NSUN5: variants seen among roughly 807,000 people sequenced by gnomAD.
The protein encoded by NSUN5 is NOP2/Sun RNA methyltransferase 5.
A neutral mutation model predicts 51.1 loss-of-function variants in NSUN5; 39 were observed. The observed-to-expected ratio is 0.76, with a 90% CI of 0.59 to 1.00. The LOEUF (loss-of-function observed/expected upper bound fraction) is 1.00. NSUN5 is among the 50% of genes least tolerant of loss of function. The pLI is 0.00. For missense variants in NSUN5, 526 were observed against 614.0 expected (o/e 0.86, Z 1.51); for synonymous variants, 266 against 271.5 (o/e 0.98, Z 0.20).
rs201835797 is a variant in NSUN5 at position 73,308,413 on chromosome 7, T to C, written c.216+18A>G. 7.7e-5 allele frequency: 122 copies of C among 1,581,370 alleles called. No homozygotes were observed. Among genetic ancestry groups the C allele is most frequent in the Non-Finnish European group, 9.6e-5 (112 of 1,161,260 alleles). ...CTGACCGTCGGGGTTCACTTCCCCG[T>C]CCCTCCCCTCCCCTCACCTTGGCCA... is the stretch of plus-strand genomic sequence containing the variant. On this transcript the variant is annotated intron_variant, in intron 2 of 9. Transcript: ENST00000438747.
chr7:73,304,607 G>C (rs1276915668), intron 6 of NSUN5, 140 bp downstream of exon 6: 70 of 892,898 alleles, frequency 7.8e-5, no homozygotes, highest in Non-Finnish European at 1.2e-4. Flanking sequence ...AGTGGGGAAA[G>C]CTTAGCTTGG....
intron 4 of NSUN5, 55 bp downstream of exon 4, chr7:73,307,339 C>A: frequency 7.6e-7 from 1 of 1,311,236 alleles, no homozygotes; most frequent in South Asian, 1.2e-5. Flanking sequence ...CACTTCTCTT[C>A]CCAATACCCC....
chr7:73,307,623 C>G lies in NSUN5; in HGVS notation c.351G>C (p.Arg117=). 1 of 1,518,766 alleles carries G rather than the reference C, an allele frequency of 6.6e-7. No individual in the cohort carries two copies. The allele number at this position is 1,518,766 out of a possible 1,614,324, so 94.1% of individuals were successfully genotyped here. Reference sequence around the variant, plus strand: ...ATCCCACTTCCAACAGGTCCTCATTCCGGCTCACACCCCGATGAACCTTGA... The same window carrying G: ...ATCCCACTTCCAACAGGTCCTCATTGCGGCTCACACCCCGATGAACCTTGA... The part of the protein sequence containing the change: ...ARLKVHRGVS[R]NEDLLEVGSR... Residue 117 remains arginine (R), a synonymous_variant, in exon 3 of 10, where the codon CGG becomes CGC. Coordinates refer to ENST00000438747, the MANE Select transcript of NSUN5 (RefSeq NM_148956.4).
In NSUN5 at chr7:73,308,628, C is replaced by T. The variant is rs3750074; in HGVS notation, c.93+70G>A. On this transcript the variant is annotated intron_variant, in intron 1 of 9. Transcript: ENST00000438747. ...CGCCGGGCCCCACCTCCCGACCCCA[C>T]CCGGGCCCGTCCGACCCCACCCCGG... 1.2e-3 allele frequency: 1,845 copies of T among 1,587,986 alleles called. 10 individuals are homozygous for T. In the East Asian group the frequency reaches 0.015, roughly 13 times the overall value.
At chr7:73,304,191 A>G (rs1803936416) in intron 7 of NSUN5, 39 bp downstream of exon 7, 3 of 1,578,240 alleles carry the variant, frequency 1.9e-6, no homozygotes, top group African/African-American at 1.4e-5. Context: ...GCTGCTGTGG[A>G]TCTGCGAGTC....
chr7:73,305,515 A>G (rs1483636364), intron 4 of NSUN5, among the ~76,000 whole-genome samples: 9 of 133,582 alleles, frequency 6.7e-5, no homozygotes, highest in Non-Finnish European at 1.2e-4. Flanking sequence ...CCCAGGCTGG[A>G]GTGCAGTGGC....
intron 4 of NSUN5, among the ~76,000 whole-genome samples, chr7:73,306,959 G>A (rs556911055): frequency 2.0e-5 from 3 of 152,302 alleles, no homozygotes; most frequent in Non-Finnish European, 2.9e-5. Context: ...AAGCACCTAG[G>A]ATGACTCAGT....
intron 2 of NSUN5, chr7:73,308,199 T>TC: frequency 3.5e-6 from 2 of 566,758 alleles, no homozygotes; most frequent in Admixed American, 3.5e-5. Context: ...ACGCCCGACT[T>TC]CCTTACAGTC....
At position 73,305,021 on chromosome 7, in the gene NSUN5, C is replaced by A. The variant is rs782248530; in HGVS notation, c.577G>T (p.Ala193Ser). 26 of 1,610,866 alleles carry A rather than the reference C, an allele frequency of 1.6e-5. No homozygotes were observed. Among genetic ancestry groups the A allele is most frequent in the Non-Finnish European group, 1.9e-5 (22 of 1,177,698 alleles). Reference sequence around the variant, plus strand: ...GGGTGTTCATGCAGATCTGTCTGGGCGGGAAACACCAGCAGCTCCGGCATC... The same window carrying A: ...GGGTGTTCATGCAGATCTGTCTGGGAGGGAAACACCAGCAGCTCCGGCATC... ...PLMPELLVFP[A>S]QTDLHEHPLY... Residue 193 changes from alanine to serine, a missense_variant, in exon 5 of 10, where the codon GCC (alanine) becomes TCC (serine). Transcript: ENST00000438747.
At chr7:73,305,989 G>A (rs1302662109) in intron 4 of NSUN5, among the ~76,000 whole-genome samples, 4 of 152,132 alleles carry the variant, frequency 2.6e-5, no homozygotes, top group African/African-American at 4.8e-5. Flanking sequence ...GAGGAGGCAC[G>A]GGGCAGGGAC....
chr7:73,308,586 G>A (rs1804147090), intron 1 of NSUN5, 33 bp from the exon 2 acceptor site: 6 of 1,589,840 alleles, frequency 3.8e-6, no homozygotes, highest in Non-Finnish European at 5.2e-6. Context: ...CTGGGTGGGG[G>A]CTCCCCCGGC....
chr7:73,307,249 A>T, intron 4 of NSUN5, 145 bp downstream of exon 4: 2 of 623,522 alleles, frequency 3.2e-6, no homozygotes, highest in Non-Finnish European at 5.7e-6. Flanking sequence ...AAGGGATGGC[A>T]GGAAGACAAA....
At chr7:73,304,098 C>T in intron 7 of NSUN5, 62 bp from the exon 8 acceptor site, 2 of 1,584,610 alleles carry the variant, frequency 1.3e-6, no homozygotes, top group African/African-American at 1.3e-5. Context: ...GAAATCCTCG[C>T]TTCACAGAGG....
chr7:73,303,488 G>T lies in NSUN5; in HGVS notation c.1328C>A (p.Pro443His). Residue 443 changes from proline to histidine, a missense_variant, in exon 10 of 10, where the codon CCC (proline) becomes CAC (histidine). By Grantham distance (77) the Pro-to-His change is moderately conservative. Transcript: ENST00000438747. The stretch of plus-strand genomic sequence containing the variant: ...CTTCTTTCTCTTTGGGGCTGGGCTG[G>T]GTGTGCGTTCTGGTGCTGATGCTTT... ...QAKASAPERT[P>H]SPAPKRKKRQ... 1 of 1,614,188 alleles carries T rather than the reference G, an allele frequency of 6.2e-7. No homozygotes were observed. Among genetic ancestry groups the T allele is most frequent in the Non-Finnish European group, 8.5e-7 (1 of 1,180,046 alleles).
chr7:73,304,285 A>T lies in NSUN5; in HGVS notation c.879T>A (p.Asp293Glu), dbSNP rs782278916. ...EEDFLAVSPSDPRYHEVHYIL... is the reference protein window; with the variant it reads ...EEDFLAVSPSEPRYHEVHYIL... ...TGTAGTGGACCTCATGGTAGCGTGGATCCGAGGGGGAGACCGCCAGGAAGT... is the reference window on the plus strand; with the variant it reads ...TGTAGTGGACCTCATGGTAGCGTGGTTCCGAGGGGGAGACCGCCAGGAAGT... The change falls in exon 7 of 10, where the codon GAT becomes GAA. Residue 293 changes from aspartate (D) to glutamate (E), a missense_variant. Transcript: ENST00000438747. 93 of 1,614,172 alleles carry T rather than the reference A, an allele frequency of 5.8e-5. 1 individual carries two copies. In the Middle Eastern group the frequency reaches 6.6e-4, roughly 11 times the overall value.
In NSUN5 at chr7:73,302,905, A is replaced by G. The variant is rs1554540857; in HGVS notation, c.*510T>C. ...TGAGGAGGGAGTGAACCTCAAGCCTAAATACCTGTTAGGATTGGAGGGTCT... is the reference window on the plus strand; with the variant it reads ...TGAGGAGGGAGTGAACCTCAAGCCTGAATACCTGTTAGGATTGGAGGGTCT... On this transcript the variant is annotated 3_prime_UTR_variant, in exon 10 of 10. Transcript: ENST00000438747. The G allele has an allele frequency of 9.6e-7, 1 of 1,043,394 alleles. No homozygotes were observed. Among genetic ancestry groups the G allele is most frequent in the Non-Finnish European group, 1.2e-6 (1 of 863,308 alleles). The allele number at this position is 1,043,394 out of a possible 1,614,324, so 64.6% of individuals were successfully genotyped here. A position where few individuals can be genotyped will look rare whatever the true frequency, so the allele number is the denominator to read the frequency against.
Position 73,303,097 on chromosome 7 carries a change from G to A in NSUN5, c.*318C>T, listed in dbSNP as rs1554540903. Reference sequence around the variant, plus strand: ...GATGTGTACAGTACACGCACTGGACGGCAGCGGGAGGCTGGGACTTTCCAT... The same window carrying A: ...GATGTGTACAGTACACGCACTGGACAGCAGCGGGAGGCTGGGACTTTCCAT... On this transcript the variant is annotated 3_prime_UTR_variant, in exon 10 of 10. Transcript: ENST00000438747. The A allele has an allele frequency of 3.5e-6, 5 of 1,415,540 alleles. No homozygotes were observed. Among genetic ancestry groups the A allele is most frequent in the African/African-American group, 1.4e-5 (1 of 69,274 alleles). 87.7% of individuals were successfully genotyped at this position (1,415,540 alleles called of 1,614,324 possible).
intron 6 of NSUN5, 67 bp from the exon 7 acceptor site, chr7:73,304,475 A>G (rs1453587806): frequency 6.9e-7 from 1 of 1,443,026 alleles, no homozygotes; most frequent in Non-Finnish European, 9.5e-7. Flanking sequence ...GCCAACCAGA[A>G]CATGCAGGTT....
At chr7:73,304,688 AC>A in intron 6 of NSUN5, 58 bp downstream of exon 6, 2 of 1,332,250 alleles carry the variant, frequency 1.5e-6, no homozygotes. Context: ...AGCCTTCATT[AC>A]CCACTGAAAG....
Sources: gnomAD v4.1 joint callset for allele counts (sites outside exome capture counted in the v4.1 genomes callset) on GRCh38, gnomAD v4.1.1 for gene constraint, MANE v1.5 for transcripts, NCBI Gene and HGNC (gene_info 2026-07-23, HGNC 2026-07-21) for gene names.